SLC25A31: variants seen among roughly 807,000 people sequenced by gnomAD.
SLC25A31 encodes ADP/ATP translocase 4.
SLC25A31 carries 40 observed loss-of-function variants against 36.2 expected under a neutral mutation model. The observed-to-expected ratio is 1.10, with a 90% confidence interval of 0.86 to 1.44. The LOEUF (loss-of-function observed/expected upper bound fraction) is 1.44, where lower values mean the gene tolerates loss of function less well. Among genes scored for constraint, SLC25A31 ranks in the 40% most tolerant of loss-of-function variants. The pLI is 0.00. For synonymous variants in SLC25A31, 143 were observed against 149.7 expected, an observed-to-expected ratio of 0.96 and a Z score of 0.32; for missense variants, 350 against 397.1, an observed-to-expected ratio of 0.88 and a Z score of 1.01.
chr4:127,745,046 T>C (rs1446614923), intron 2 of SLC25A31, among the ~76,000 whole-genome samples: 2 of 152,134 alleles, frequency 1.3e-5, no homozygotes, highest in Non-Finnish European at 1.5e-5. Context: ...TGAATAAATA[T>C]TACACTTAAT....
intron 2 of SLC25A31, among the ~76,000 whole-genome samples, chr4:127,757,608 A>G (rs1578666505): frequency 6.6e-6 from 1 of 152,160 alleles, no homozygotes; most frequent in South Asian, 2.1e-4. Flanking sequence ...ACAAGTTCAG[A>G]TGTCTTTTTC....
intron 1 of SLC25A31, among the ~76,000 whole-genome samples, chr4:127,734,388 C>G (rs950675352): frequency 3.3e-5 from 5 of 151,732 alleles, no homozygotes. Context: ...GGTGAAACCC[C>G]GTCTCTACTA....
At chr4:127,771,993 A>G (rs1399605676) in intron 5 of SLC25A31, among the ~76,000 whole-genome samples, 1 of 152,208 alleles carries the variant, frequency 6.6e-6, no homozygotes, top group Non-Finnish European at 1.5e-5. Context: ...GGTTTTGTTC[A>G]GGATTTTTGC....
intron 2 of SLC25A31, among the ~76,000 whole-genome samples, chr4:127,761,007 C>T (rs550133347): frequency 8.0e-6 from 1 of 124,390 alleles, no homozygotes; most frequent in East Asian, 2.2e-4. Flanking sequence ...CTCACTTATA[C>T]TTATATACAT....
At chr4:127,733,019 G>A (rs1731558740) in intron 1 of SLC25A31, among the ~76,000 whole-genome samples, 1 of 152,138 alleles carries the variant, frequency 6.6e-6, no homozygotes, top group Non-Finnish European at 1.5e-5. Flanking sequence ...TCTCCCCTTC[G>A]ATTTTCGTGT....
intron 5 of SLC25A31, among the ~76,000 whole-genome samples, chr4:127,771,289 C>T (rs1205021651): frequency 6.6e-6 from 1 of 152,014 alleles, no homozygotes; most frequent in Non-Finnish European, 1.5e-5. Context: ...GTCATATTGG[C>T]TTAGGGTTCA....
intron 2 of SLC25A31, among the ~76,000 whole-genome samples, chr4:127,752,171 A>G (rs997197188): frequency 2.0e-5 from 3 of 152,166 alleles, no homozygotes; most frequent in African/African-American, 4.8e-5. Flanking sequence ...AACCAACCCA[A>G]ATGTCCATCA....
rs534089282 is a variant in SLC25A31 at position 127,749,261 on chromosome 4, T to G, written c.360+4462T>G. Among the ~76,000 whole-genome samples, 9 of 152,178 alleles carry G rather than the reference T, an allele frequency of 5.9e-5. No individual in the cohort carries two copies. In the South Asian group the frequency reaches 1.9e-3, roughly 32 times the overall value. Reference sequence around the variant, plus strand: ...AAAAATATAAAGACTGAAGAAAGCATAAGGAACCTATGAGACACCATCAAA... The same window carrying G: ...AAAAATATAAAGACTGAAGAAAGCAGAAGGAACCTATGAGACACCATCAAA... On this transcript the variant is annotated intron_variant, in intron 2 of 5. Coordinates refer to ENST00000281154, the MANE Select transcript of SLC25A31 (RefSeq NM_031291.4).
In SLC25A31 at chr4:127,730,626, C is replaced by T. The variant is rs768411036; in HGVS notation, c.81C>T (p.Gly27=). The change falls in exon 1 of 6, where the codon GGC becomes GGT. Residue 27 remains glycine, a synonymous_variant. Transcript: ENST00000281154. ...CCTTCGGGAAGGACCTTCTGGCCGG[C>T]GGAGTCGCGGCAGCTGTGTCCAAGA... ...ASSFGKDLLA[G]GVAAAVSKTA... is the part of the protein sequence containing the mutation. 6.8e-6 allele frequency: 11 copies of T among 1,613,902 alleles called. No homozygotes were observed. Among genetic ancestry groups the T allele is most frequent in the African/African-American group, 2.7e-5 (2 of 74,930 alleles).
At chr4:127,772,494 C>T (rs1732381767) in intron 5 of SLC25A31, among the ~76,000 whole-genome samples, 1 of 152,102 alleles carries the variant, frequency 6.6e-6, no homozygotes, top group Non-Finnish European at 1.5e-5. Context: ...TTTCAAAGAC[C>T]TAACTGGACT....
chr4:127,765,674 G>C (rs1342389291), intron 3 of SLC25A31, among the ~76,000 whole-genome samples: 9 of 152,014 alleles, frequency 5.9e-5, no homozygotes, highest in Non-Finnish European at 8.8e-5. Context: ...GAGGACACAA[G>C]TAATAATAAA....
intron 3 of SLC25A31, among the ~76,000 whole-genome samples, chr4:127,766,347 T>G (rs892358089): frequency 3.9e-5 from 6 of 151,938 alleles, no homozygotes; most frequent in African/African-American, 1.5e-4. Context: ...TTTGTATTTT[T>G]AATCGAGACA....
At chr4:127,748,246 T>C (rs1478756789) in intron 2 of SLC25A31, among the ~76,000 whole-genome samples, 3 of 152,196 alleles carry the variant, frequency 2.0e-5, no homozygotes, top group African/African-American at 7.2e-5. Flanking sequence ...CAGTCCCTTA[T>C]AGATCTTGAA....
chr4:127,767,330 G>C lies in SLC25A31; in HGVS notation c.633+110G>C, dbSNP rs1304776674. On this transcript the variant is annotated intron_variant, in intron 4 of 5. Coordinates refer to ENST00000281154, the MANE Select transcript of SLC25A31 (RefSeq NM_031291.4). The stretch of plus-strand genomic sequence containing the variant: ...TTTAATTATAAAAATAAAAATCAGT[G>C]ATGAAAAAAGAGAGACATGAAATTC... The C allele has an allele frequency of 3.8e-6, 4 of 1,046,510 alleles. No homozygotes were observed. In the East Asian group the frequency reaches 1.2e-4, roughly 31 times the overall value. 64.8% of individuals were successfully genotyped at this position (1,046,510 alleles called of 1,614,324 possible).
At position 127,730,576 on chromosome 4, in the gene SLC25A31, G is replaced by C; in HGVS notation, c.31G>C (p.Glu11Gln). The part of the protein sequence containing the change: MHREPAKKKA[E>Q]KRLFDASSFG... ...TCGTGAGCCTGCGAAAAAGAAGGCA[G>C]AAAAGCGGCTGTTTGACGCCTCATC... is the stretch of plus-strand genomic sequence containing the variant. Residue 11 changes from glutamate (E) to glutamine (Q), a missense_variant, in exon 1 of 6, where the codon GAA becomes CAA. Physicochemically the swap from Glu to Gln is conservative, Grantham distance 29. Coordinates refer to ENST00000281154, the MANE Select transcript of SLC25A31 (RefSeq NM_031291.4). 6.2e-7 allele frequency: 1 copy of C among 1,614,016 alleles called. No individual in the cohort carries two copies. The highest frequency in any genetic ancestry group is 8.5e-7 in the Non-Finnish European group (1 of 1,179,858).
intron 1 of SLC25A31, among the ~76,000 whole-genome samples, chr4:127,736,778 A>T (rs1731640259): frequency 6.6e-6 from 1 of 152,242 alleles, no homozygotes. Flanking sequence ...TCTACACCAT[A>T]GTTAGTGCTC....
In SLC25A31 at chr4:127,764,304, G is replaced by C; in HGVS notation, c.422G>C (p.Cys141Ser). ...GGAGCTGCTGGGGCAACATCCTTATGTGTAGTATATCCTCTAGATTTTGCC... is the reference window on the plus strand; with the variant it reads ...GGAGCTGCTGGGGCAACATCCTTATCTGTAGTATATCCTCTAGATTTTGCC... The part of the protein sequence containing the change: ...SGGAAGATSL[C>S]VVYPLDFART... The change falls in exon 3 of 6, where the codon TGT (cysteine) becomes TCT (serine). Residue 141 changes from cysteine to serine, a missense_variant. Coordinates refer to ENST00000281154, the MANE Select transcript of SLC25A31 (RefSeq NM_031291.4). 1 of 1,614,088 alleles carries C rather than the reference G, an allele frequency of 6.2e-7. No homozygotes were observed. Among genetic ancestry groups the C allele is most frequent in the East Asian group, 2.2e-5 (1 of 44,878 alleles).
At chr4:127,767,896 C>CA (rs1399412799) in intron 4 of SLC25A31, among the ~76,000 whole-genome samples, 1 of 151,512 alleles carries the variant, frequency 6.6e-6, no homozygotes, top group Non-Finnish European at 1.5e-5. Flanking sequence ...ACCTGTTCCC[C>CA]AAAAAACCTA....
At chr4:127,731,754 G>A (rs1007128405) in intron 1 of SLC25A31, among the ~76,000 whole-genome samples, 1 of 151,600 alleles carries the variant, frequency 6.6e-6, no homozygotes, top group Non-Finnish European at 1.5e-5. Flanking sequence ...AGAGAGAGCT[G>A]TTCTCCTTTC....
Sources: allele counts gnomAD v4.1 joint callset (sites outside exome capture counted in the v4.1 genomes callset), GRCh38; gene constraint gnomAD v4.1.1; transcripts MANE v1.5; gene names NCBI Gene and HGNC (gene_info 2026-07-23, HGNC 2026-07-21).